GALNT18: variants seen among roughly 807,000 people sequenced by gnomAD.
The protein encoded by GALNT18 is polypeptide N-acetylgalactosaminyltransferase 18, also known as GalNAc-transferase 18.
A neutral mutation model predicts 69.5 loss-of-function variants in GALNT18; 44 were observed. The ratio of observed to expected loss-of-function variants is 0.63; its 90% CI spans 0.50 to 0.81. GALNT18 has a LOEUF of 0.81. GALNT18 is among the 40% of genes least tolerant of loss of function. GALNT18 has a pLI of 0.00. For missense variants in GALNT18, 715 were observed against 810.0 expected (o/e 0.88, Z 1.42); for synonymous variants, 364 against 318.2 (o/e 1.14, Z -1.53).
rs576275326 is a variant in GALNT18 at position 11,470,526 on chromosome 11, A to G, written c.236-21590T>C. On this transcript the variant is annotated intron_variant, in intron 1 of 10. Coordinates refer to ENST00000227756, the MANE Select transcript of GALNT18 (RefSeq NM_198516.3). This position sits in a 1 kb window ranked among gnomAD's most constrained non-coding sequence, Gnocchi z 4.8. ...GCATGCTGTAGACCCCATTATTCCT[A>G]TGCTAGAGGCTTGGGGATAGTGATA... 9.9e-5 allele frequency among the ~76,000 whole-genome samples: 15 copies of G among 152,274 alleles called. No homozygotes were observed. The highest frequency in any genetic ancestry group is 3.6e-4 in the African/African-American group (15 of 41,550).
chr11:11,479,190 A>C (rs1856469934), intron 1 of GALNT18, among the ~76,000 whole-genome samples: 1 of 152,214 alleles, frequency 6.6e-6, no homozygotes, highest in African/African-American at 2.4e-5. Flanking sequence ...TAAAATGCTT[A>C]CTGATTAATG....
At chr11:11,467,352 G>T (rs117666015) in intron 1 of GALNT18, among the ~76,000 whole-genome samples, 1 of 152,328 alleles carries the variant, frequency 6.6e-6, no homozygotes, top group East Asian at 1.9e-4. Context: ...CGCTGCAGCT[G>T]CCACCCCTGC....
chr11:11,529,638 T>TATACACACACAC (rs10624956), intron 1 of GALNT18, among the ~76,000 whole-genome samples: 26 of 72,954 alleles, frequency 3.6e-4, no homozygotes, highest in Non-Finnish European at 1.1e-4. Context: ...TATATATATA[T>TATACACACACAC]ACACACACAC....
At chr11:11,357,148 A>G (rs1850547783) in intron 6 of GALNT18, among the ~76,000 whole-genome samples, 1 of 152,110 alleles carries the variant, frequency 6.6e-6, no homozygotes, top group South Asian at 2.1e-4. Context: ...CTCAAATCGC[A>G]GATGCTTTGG....
chr11:11,411,804 C>A (rs560726700), intron 3 of GALNT18, among the ~76,000 whole-genome samples: 1 of 152,322 alleles, frequency 6.6e-6, no homozygotes, highest in African/African-American at 2.4e-5. Flanking sequence ...CAAACAGCTG[C>A]ACCATTCAAG....
chr11:11,568,877 C>T (rs749647729), intron 1 of GALNT18, among the ~76,000 whole-genome samples: 11 of 152,238 alleles, frequency 7.2e-5, no homozygotes, highest in Non-Finnish European at 1.5e-4. Context: ...AATATAACCT[C>T]ATCCCCTGCT....
At chr11:11,460,137 A>G (rs78859703) in intron 1 of GALNT18, among the ~76,000 whole-genome samples, 9,793 of 152,192 alleles carry the variant, frequency 0.064, 465 homozygotes, top group South Asian at 0.18. Flanking sequence ...TCCCTCTTTA[A>G]AAGTCAGCTG....
At chr11:11,293,293 A>G (rs1368634577) in intron 9 of GALNT18, 100 bp from the exon 10 acceptor site, 5 of 976,674 alleles carry the variant, frequency 5.1e-6, no homozygotes, top group African/African-American at 5.0e-5. Context: ...GAGAGGCCAC[A>G]GTTAGGGAAG....
chr11:11,580,301 G>GCCATCTTATT (rs1354617611), intron 1 of GALNT18, among the ~76,000 whole-genome samples: 1 of 152,164 alleles, frequency 6.6e-6, no homozygotes, highest in African/African-American at 2.4e-5. Flanking sequence ...CAAGGAAGGT[G>GCCATCTTATT]CCATCTTATT....
At chr11:11,544,978 C>T (rs1217276698) in intron 1 of GALNT18, among the ~76,000 whole-genome samples, 1 of 152,216 alleles carries the variant, frequency 6.6e-6, no homozygotes, top group Non-Finnish European at 1.5e-5. Flanking sequence ...AATTACTACA[C>T]TACCCTGCCT....
intron 3 of GALNT18, among the ~76,000 whole-genome samples, chr11:11,410,361 C>A (rs540151340): frequency 1.2e-4 from 19 of 152,232 alleles, no homozygotes; most frequent in African/African-American, 4.3e-4. Context: ...CTTGCCAGCA[C>A]CCTGCCATCA....
In GALNT18 at chr11:11,315,569, G is replaced by T. The variant is rs139384753; in HGVS notation, c.1512+11517C>A. On this transcript the variant is annotated intron_variant, in intron 9 of 10. Coordinates refer to ENST00000227756, the MANE Select transcript of GALNT18 (RefSeq NM_198516.3). The surrounding 1 kb of genome is among the most constrained non-coding windows in gnomAD (Gnocchi z 5.6). ...CCTCCGATGTCCCCTTTCTTCACCC[G>T]TGTAGAGTTTGCTCTTGGGTGAGGC... 6.6e-6 allele frequency among the ~76,000 whole-genome samples: 1 copy of T among 152,088 alleles called. No individual in the cohort carries two copies. The highest frequency in any genetic ancestry group is 1.9e-4 in the East Asian group (1 of 5,180).
chr11:11,566,064 A>G (rs1291615977), intron 1 of GALNT18, among the ~76,000 whole-genome samples: 1 of 152,236 alleles, frequency 6.6e-6, no homozygotes, highest in African/African-American at 2.4e-5. Context: ...TGTCATTTGT[A>G]TGTAAAGAAT....
At position 11,404,979 on chromosome 11, in the gene GALNT18, G is replaced by A. The variant is rs117284001; in HGVS notation, c.596-25715C>T. Among the ~76,000 whole-genome samples the A allele has an allele frequency of 7.7e-3, 1,175 of 152,324 alleles. 9 individuals carry two copies. The highest frequency in any genetic ancestry group is 9.6e-3 in the Non-Finnish European group (652 of 68,026). On this transcript the variant is annotated intron_variant, in intron 3 of 10. Coordinates refer to ENST00000227756, the MANE Select transcript of GALNT18 (RefSeq NM_198516.3). This position sits in a 1 kb window ranked among gnomAD's most constrained non-coding sequence, Gnocchi z 4.5. ...ATGGGGGAACAGATGAAGCAACAGA[G>A]CTGCTTTGCTGTGCTCTGTGTTTCT...
chr11:11,547,824 T>C (rs755113493), intron 1 of GALNT18, among the ~76,000 whole-genome samples: 1 of 152,180 alleles, frequency 6.6e-6, no homozygotes, highest in Non-Finnish European at 1.5e-5. Context: ...CCAAATTCCT[T>C]AGCCTGGCAT....
chr11:11,483,501 G>T (rs1038313506), intron 1 of GALNT18, among the ~76,000 whole-genome samples: 16 of 152,218 alleles, frequency 1.1e-4, no homozygotes, highest in Non-Finnish European at 1.5e-4. Flanking sequence ...ATTATTCTGA[G>T]GGTAAAGGCC....
At chr11:11,279,657 A>G (rs1049247611) in intron 10 of GALNT18, among the ~76,000 whole-genome samples, 4 of 152,180 alleles carry the variant, frequency 2.6e-5, no homozygotes, top group African/African-American at 7.2e-5. Flanking sequence ...ACAAACAAAC[A>G]TTATTCTATT....
Position 11,617,912 on chromosome 11 carries a change from A to G in GALNT18, c.235+3447T>C, listed in dbSNP as rs1860096026. Reference sequence around the variant, plus strand: ...TACTAACATTTACTTTGTGTTTCTAAACCCCCAGGATGCTTTTTTTAAAAA... The same window carrying G: ...TACTAACATTTACTTTGTGTTTCTAGACCCCCAGGATGCTTTTTTTAAAAA... On this transcript the variant is annotated intron_variant, in intron 1 of 10. Transcript: ENST00000227756. This position sits in a 1 kb window ranked among gnomAD's most constrained non-coding sequence, Gnocchi z 4.7. 6.6e-6 allele frequency among the ~76,000 whole-genome samples: 1 copy of G among 152,072 alleles called. No homozygotes were observed. The highest frequency in any genetic ancestry group is 1.5e-5 in the Non-Finnish European group (1 of 67,992).
At chr11:11,334,080 T>C (rs1255319513) in intron 7 of GALNT18, among the ~76,000 whole-genome samples, 1 of 152,134 alleles carries the variant, frequency 6.6e-6, no homozygotes, top group Non-Finnish European at 1.5e-5. Context: ...CTGTGGTCCA[T>C]ATGCTCTCTT....
Sources: allele counts gnomAD v4.1 joint callset (sites outside exome capture counted in the v4.1 genomes callset), GRCh38; gene constraint gnomAD v4.1.1; non-coding constraint Gnocchi (gnomAD v3.1); transcripts MANE v1.5; gene names NCBI Gene and HGNC (gene_info 2026-07-23, HGNC 2026-07-21).